Variants in C3AR1 observed in about 807,000 individuals in gnomAD.
The protein encoded by C3AR1 is C3a anaphylatoxin chemotactic receptor.
For missense variants in C3AR1, 579 were observed against 583.5 expected (o/e 0.99, Z 0.08); for synonymous variants, 208 against 225.3 (o/e 0.92, Z 0.69).
In C3AR1 at chr12:8,059,538, G is replaced by T; in HGVS notation, c.648C>A (p.Phe216Leu). 1 of 1,614,198 alleles carries T rather than the reference G, an allele frequency of 6.2e-7. No individual in the cohort carries two copies. The highest frequency in any genetic ancestry group is 2.2e-5 in the East Asian group (1 of 44,886). ...CTGTCCAAGGATGATCATTTGTTTGGAAAGAGGAAGGATCTAACCTATCAT... is the reference window on the plus strand; with the variant it reads ...CTGTCCAAGGATGATCATTTGTTTGTAAAGAGGAAGGATCTAACCTATCAT... Reference protein sequence around the residue: ...EMNDRLDPSSFQTNDHPWTVP... With the variant: ...EMNDRLDPSSLQTNDHPWTVP... The change falls in exon 2 of 2, where the codon TTC becomes TTA. Residue 216 changes from phenylalanine (F) to leucine (L), a missense_variant. Coordinates refer to ENST00000307637, the MANE Select transcript of C3AR1 (RefSeq NM_004054.4).
chr12:8,062,675 G>A (rs187920677), intron 1 of C3AR1, among the ~76,000 whole-genome samples: 30 of 152,058 alleles, frequency 2.0e-4, no homozygotes, highest in Non-Finnish European at 3.2e-4. Context: ...ATGGAGTTTC[G>A]CTCTTGTTGC....
Position 8,059,506 on chromosome 12 carries a change from G to T in C3AR1, c.680C>A (p.Thr227Asn), listed in dbSNP as rs767209402. The T allele has an allele frequency of 2.5e-6, 4 of 1,614,208 alleles. No individual in the cohort carries two copies. The South Asian group carries it at 4.4e-5, about 18-fold the overall frequency. Residue 227 changes from threonine (T) to asparagine (N), a missense_variant, in exon 2 of 2, where the codon ACT (threonine) becomes AAT (asparagine). Thr to Asn is a moderately conservative substitution (Grantham distance 65). Transcript: ENST00000307637. ...TTGAAATGTTTGAGGTTGGAAGACAGTGGGGACTGTCCAAGGATGATCATT... is the reference window on the plus strand; with the variant it reads ...TTGAAATGTTTGAGGTTGGAAGACATTGGGGACTGTCCAAGGATGATCATT... The part of the protein sequence containing the change: ...QTNDHPWTVP[T>N]VFQPQTFQRP...
chr12:8,060,425 T>C (rs1947263147), intron 1 of C3AR1, among the ~76,000 whole-genome samples: 1 of 152,208 alleles, frequency 6.6e-6, no homozygotes, highest in Non-Finnish European at 1.5e-5. Context: ...GACAGAGTCT[T>C]CCTCTGTCGC....
At position 8,059,737 on chromosome 12, in the gene C3AR1, G is replaced by A; in HGVS notation, c.449C>T (p.Ala150Val). 6.2e-7 allele frequency: 1 copy of A among 1,614,140 alleles called. No individual in the cohort carries two copies. Among genetic ancestry groups the A allele is most frequent in the Non-Finnish European group, 8.5e-7 (1 of 1,180,034 alleles). Residue 150 changes from alanine (A) to valine (V), a missense_variant, in exon 2 of 2, where the codon GCT becomes GTT. Physicochemically the swap from Ala to Val is moderately conservative, Grantham distance 64 (BLOSUM62 0). Transcript: ENST00000307637. The part of the protein sequence containing the change: ...CSICGCIWVV[A>V]FVMCIPVFVY... ...GAACACAGGAATGCACATCACAAAA[G>A]CCACCACCCAGATACATCCACAGAT...
rs1032774363 is a variant in C3AR1 at position 8,057,340 on chromosome 12, A to C, written c.*1397T>G. Among the ~76,000 whole-genome samples the C allele has an allele frequency of 6.6e-5, 10 of 152,240 alleles. No homozygotes were observed. The highest frequency in any genetic ancestry group is 5.9e-4 in the Admixed American group (9 of 15,288). ...ATGAATGAATTAAAATATGGTTATT[A>C]ATGAATGTTGGGATGCTGGATAAAC... On this transcript the variant is annotated 3_prime_UTR_variant, in exon 2 of 2. Transcript: ENST00000307637.
In C3AR1 at chr12:8,059,316, G is replaced by C. The variant is rs776792906; in HGVS notation, c.870C>G (p.Leu290=). 6.2e-7 allele frequency: 1 copy of C among 1,614,172 alleles called. No individual in the cohort carries two copies. Among genetic ancestry groups the C allele is most frequent in the African/African-American group, 1.3e-5 (1 of 75,034 alleles). Residue 290 remains leucine (L), a synonymous_variant, in exon 2 of 2, where the codon CTC becomes CTG. Coordinates refer to ENST00000307637, the MANE Select transcript of C3AR1 (RefSeq NM_004054.4). ...TAGGGAACAGCTTTAAATGAGTAGA[G>C]AGAAAAGCATCAGAGTTATCCAGTG... The part of the protein sequence containing the change: ...TSPLDNSDAF[L]STHLKLFPSA...
chr12:8,059,732 CA>C lies in C3AR1; in HGVS notation c.453del (p.Phe151LeufsTer2), dbSNP rs956502987. On this transcript the variant is annotated frameshift_variant, in exon 2 of 2. Transcript: ENST00000307637. LOFTEE classifies it low-confidence loss of function (END_TRUNC). Reference protein sequence around the residue: ...SICGCIWVVAFVMCIPVFVYR... With the variant: ...SICGCIWVVAXVMCIPVFVYR... ...TACACGAACACAGGAATGCACATCA[CA>C]AAAGCCACCACCCAGATACATCCAC... 6.2e-7 allele frequency: 1 copy of C among 1,614,018 alleles called. No homozygotes were observed.
At chr12:8,060,257 C>G in intron 1 of C3AR1, 62 bp from the exon 2 acceptor site, 1 of 1,282,658 alleles carries the variant, frequency 7.8e-7, no homozygotes. Flanking sequence ...CATACATATT[C>G]TTAGGATTCT....
rs1315615009 is a variant in C3AR1, at chr12:8,057,473, T to C, written c.*1264A>G. Among the ~76,000 whole-genome samples the C allele has an allele frequency of 6.6e-6, 1 of 152,190 alleles. No homozygotes were observed. The highest frequency in any genetic ancestry group is 1.5e-5 in the Non-Finnish European group (1 of 68,024). On this transcript the variant is annotated 3_prime_UTR_variant, in exon 2 of 2. Transcript: ENST00000307637. ...AGCATAAGCACATGATTTAGAAACATCATGATAATTATCAAAGGAAACATC... is the reference window on the plus strand; with the variant it reads ...AGCATAAGCACATGATTTAGAAACACCATGATAATTATCAAAGGAAACATC...
intron 1 of C3AR1, among the ~76,000 whole-genome samples, chr12:8,065,804 A>G (rs1412961658): frequency 6.6e-6 from 1 of 152,160 alleles, no homozygotes; most frequent in East Asian, 1.9e-4. Flanking sequence ...GCCGTAATTT[A>G]AAGGTAATTA....
intron 1 of C3AR1, among the ~76,000 whole-genome samples, chr12:8,065,810 A>G (rs965602846): frequency 3.9e-5 from 6 of 152,138 alleles, no homozygotes; most frequent in Non-Finnish European, 7.3e-5. Flanking sequence ...ATTTAAAGGT[A>G]ATTAATATCC....
At chr12:8,061,995 A>G (rs947819099) in intron 1 of C3AR1, among the ~76,000 whole-genome samples, 12 of 152,200 alleles carry the variant, frequency 7.9e-5, no homozygotes, top group African/African-American at 2.9e-4. Context: ...CGACTACTTT[A>G]GATATCTGAT....
At position 8,059,161 on chromosome 12, in the gene C3AR1, A is replaced by C. The variant is rs763952006; in HGVS notation, c.1025T>G (p.Val342Gly). ...AACAGAGGGCAGCAGGAAACCCACC[A>C]CTAGCCTAGTGATCGTTATTGCCAC... is the stretch of plus-strand genomic sequence containing the variant. ...PLVAITITRL[V>G]VGFLLPSVIM... Residue 342 changes from valine (V) to glycine (G), a missense_variant, in exon 2 of 2, where the codon GTG (valine) becomes GGG (glycine). Transcript: ENST00000307637. The C allele has an allele frequency of 6.2e-7, 1 of 1,614,174 alleles. No homozygotes were observed. The highest frequency in any genetic ancestry group is 1.1e-5 in the South Asian group (1 of 91,084).
rs1412759839 is a variant in C3AR1 at position 8,057,061 on chromosome 12, A to C, written c.*1676T>G. Among the ~76,000 whole-genome samples, 1 of 152,200 alleles carries C rather than the reference A, an allele frequency of 6.6e-6. No homozygotes were observed. Among genetic ancestry groups the C allele is most frequent in the Admixed American group, 6.5e-5 (1 of 15,288 alleles). The stretch of plus-strand genomic sequence containing the variant: ...GACCCTCACCTCAGCCATTGAACAG[A>C]TAGTGTCTTGCAGGTCTAAAACACA... On this transcript the variant is annotated 3_prime_UTR_variant, in exon 2 of 2. Transcript: ENST00000307637.
In C3AR1 at chr12:8,059,144, G is replaced by T. The variant is rs1203248934; in HGVS notation, c.1042C>A (p.Pro348Thr). 2 of 1,614,200 alleles carry T rather than the reference G, an allele frequency of 1.2e-6. No individual in the cohort carries two copies. The highest frequency in any genetic ancestry group is 3.3e-5 in the Admixed American group (2 of 60,018). Residue 348 changes from proline to threonine, a missense_variant, in exon 2 of 2, where the codon CCC (proline) becomes ACC (threonine). Transcript: ENST00000307637. ...TAACAGGCTATCATGATAACAGAGGGCAGCAGGAAACCCACCACTAGCCTA... is the reference window on the plus strand; with the variant it reads ...TAACAGGCTATCATGATAACAGAGGTCAGCAGGAAACCCACCACTAGCCTA... ...ITRLVVGFLLPSVIMIACYSF... is the reference protein window; with the variant it reads ...ITRLVVGFLLTSVIMIACYSF...
chr12:8,064,757 A>C (rs1947312906), intron 1 of C3AR1, among the ~76,000 whole-genome samples: 1 of 152,074 alleles, frequency 6.6e-6, no homozygotes, highest in Non-Finnish European at 1.5e-5. Context: ...TCAGATATTT[A>C]AATACTATCA....
chr12:8,065,285 C>T (rs1015570020), intron 1 of C3AR1, among the ~76,000 whole-genome samples: 4 of 151,940 alleles, frequency 2.6e-5, no homozygotes, highest in Non-Finnish European at 5.9e-5. Context: ...AGTTATCTGT[C>T]ATGAGCTATA....
intron 1 of C3AR1, among the ~76,000 whole-genome samples, chr12:8,062,789 ATG>A (rs1947287512): frequency 2.7e-5 from 4 of 150,910 alleles, no homozygotes; most frequent in Non-Finnish European, 5.9e-5. Context: ...GATTACAGGC[ATG>A]CGCCACCATG....
In C3AR1 at chr12:8,059,367, A is replaced by C. The variant is rs1247649246; in HGVS notation, c.819T>G (p.Phe273Leu). ...DVVSPKIPSG[F>L]PIEDHETSPL... The stretch of plus-strand genomic sequence containing the variant: ...GGCTGGTTTCGTGATCTTCAATAGG[A>C]AACCCACTGGGGATTTTAGGTGAGA... The change falls in exon 2 of 2, where the codon TTT becomes TTG. Residue 273 changes from phenylalanine (F) to leucine (L), a missense_variant. Physicochemically the swap from Phe to Leu is conservative, Grantham distance 22. Transcript: ENST00000307637. 3 of 1,614,076 alleles carry C rather than the reference A, an allele frequency of 1.9e-6. No homozygotes were observed. In the African/African-American group the frequency reaches 4.0e-5, roughly 22 times the overall value.
Sources: allele counts gnomAD v4.1 joint callset (sites outside exome capture counted in the v4.1 genomes callset), GRCh38; gene constraint gnomAD v4.1.1; transcripts MANE v1.5; gene names NCBI Gene and HGNC (gene_info 2026-07-23, HGNC 2026-07-21).